DLX2: variants seen among roughly 807,000 people sequenced by gnomAD.
DLX2 encodes the protein homeobox protein DLX-2.
Under a neutral mutation model 27.4 loss-of-function variants are expected in DLX2, and 8 were observed. The ratio of observed to expected loss-of-function variants is 0.29; its 90% CI spans 0.17 to 0.53. The LOEUF (loss-of-function observed/expected upper bound fraction) is 0.53, where lower values mean the gene tolerates loss of function less well. DLX2 is among the 20% of genes least tolerant of loss of function. The pLI, the probability that DLX2 is intolerant of heterozygous loss-of-function variation, is 0.96. For missense variants in DLX2, 421 were observed against 450.9 expected (o/e 0.93, Z 0.60); for synonymous variants, 210 against 200.8 (o/e 1.05, Z -0.39).
In DLX2 at chr2:172,102,189, G is replaced by T. The variant is rs550662278; in HGVS notation, c.350C>A (p.Thr117Asn). 1.3e-5 allele frequency: 21 copies of T among 1,614,178 alleles called. No individual in the cohort carries two copies. In the South Asian group the frequency reaches 1.9e-4, roughly 14 times the overall value. Residue 117 changes from threonine (T) to asparagine (N), a missense_variant, in exon 1 of 3, where the codon ACC becomes AAC. Thr to Asn is a moderately conservative substitution (Grantham distance 65). This residue lies in a region of DLX2 where 141 missense variants were observed against 123.5 expected (regional missense o/e 1.14). Transcript: ENST00000234198. ...ACTGGTTCCATAGGGAGCGTAGGAG[G>T]TGTAGGCGGCGGTGTAGCCCAGGTC... ...SYDLGYTAAYTSYAPYGTSSS... is the reference protein window; with the variant it reads ...SYDLGYTAAYNSYAPYGTSSS...
chr2:172,100,421 A>G lies in DLX2; in HGVS notation c.*122T>C. 17 of 1,118,096 alleles carry G rather than the reference A, an allele frequency of 1.5e-5. No individual in the cohort carries two copies. Among genetic ancestry groups the G allele is most frequent in the Non-Finnish European group, 2.1e-5 (17 of 816,910 alleles). The allele number at this position is 1,118,096 out of a possible 1,614,324, so 69.3% of individuals were successfully genotyped here. On this transcript the variant is annotated 3_prime_UTR_variant, in exon 3 of 3. Transcript: ENST00000234198. This position sits in a 1 kb window ranked among gnomAD's most constrained non-coding sequence, Gnocchi z 4.5. The stretch of plus-strand genomic sequence containing the variant: ...AGCAGGGCCTGAGACGGGCCACTGC[A>G]GGTCGCAGCCTGCAGGAGAGGTGGG...
Position 172,100,759 on chromosome 2 carries a change from A to C in DLX2, c.771T>G (p.Ser257Arg). Residue 257 changes from serine (S) to arginine (R), a missense_variant, in exon 3 of 3, where the codon AGT becomes AGG. This residue lies in a region of DLX2 where 185 missense variants were observed against 171.1 expected (regional missense o/e 1.08). Coordinates refer to ENST00000234198, the MANE Select transcript of DLX2 (RefSeq NM_004405.4). The surrounding 1 kb of genome is among the most constrained non-coding windows in gnomAD (Gnocchi z 4.5). Reference protein sequence around the residue: ...QRMAGGGGPGSGGSGAGSSGS... With the variant: ...QRMAGGGGPGRGGSGAGSSGS... ...CCGAGCTGCCGGCGCCGCTGCCGCC[A>C]CTGCCCGGACCACCGCCGCCCGCCA... The C allele has an allele frequency of 6.4e-7, 1 of 1,569,422 alleles. No individual in the cohort carries two copies. Among genetic ancestry groups the C allele is most frequent in the Non-Finnish European group, 8.6e-7 (1 of 1,158,710 alleles).
chr2:172,100,739 C>A lies in DLX2; in HGVS notation c.791G>T (p.Ser264Ile), dbSNP rs747881738. The A allele has an allele frequency of 1.3e-5, 20 of 1,548,362 alleles. No homozygotes were observed. The East Asian group carries it at 4.1e-4, about 32-fold the overall frequency. ...GPGSGGSGAG[S>I]SGSSPSSAAS... ...CGCGCTGCTCGGGCTGGAGCCCGAG[C>A]TGCCGGCGCCGCTGCCGCCACTGCC... The change falls in exon 3 of 3, where the codon AGC (serine) becomes ATC (isoleucine). Residue 264 changes from serine (S) to isoleucine (I), a missense_variant. This residue lies in a region of DLX2 where 185 missense variants were observed against 171.1 expected (regional missense o/e 1.08). Coordinates refer to ENST00000234198, the MANE Select transcript of DLX2 (RefSeq NM_004405.4). The surrounding 1 kb of genome is among the most constrained non-coding windows in gnomAD (Gnocchi z 4.5).
In DLX2 at chr2:172,100,874, T is replaced by C; in HGVS notation, c.656A>G (p.Glu219Gly). 6.2e-7 allele frequency: 1 copy of C among 1,613,052 alleles called. No homozygotes were observed. The highest frequency in any genetic ancestry group is 8.5e-7 in the Non-Finnish European group (1 of 1,179,942). The change falls in exon 3 of 3, where the codon GAG becomes GGG. Residue 219 changes from glutamate (E) to glycine (G), a missense_variant. Physicochemically the swap from Glu to Gly is moderately conservative, Grantham distance 98. This residue lies in a region of DLX2 where 185 missense variants were observed against 171.1 expected (regional missense o/e 1.08). Transcript: ENST00000234198. The surrounding 1 kb of genome is among the most constrained non-coding windows in gnomAD (Gnocchi z 4.5). ...KMWKSGEIPSEQHPGASASPP... is the reference protein window; with the variant it reads ...KMWKSGEIPSGQHPGASASPP... ...AGAAGCGCTGGCCCCAGGGTGCTGC[T>C]CCGAGGGGATCTCACCACTTTTCCA...
In DLX2 at chr2:172,100,677, G is replaced by C. The variant is rs764871994; in HGVS notation, c.853C>G (p.Gln285Glu). ...AFLGNYPWYH[Q>E]TSGSASHLQA... ...AGGTGTGAGGCGGATCCCGAGGTCT[G>C]GTGGTACCAGGGGTAGTTGCCCAGA... Residue 285 changes from glutamine to glutamate, a missense_variant, in exon 3 of 3, where the codon CAG becomes GAG. Coordinates refer to ENST00000234198, the MANE Select transcript of DLX2 (RefSeq NM_004405.4). This position sits in a 1 kb window ranked among gnomAD's most constrained non-coding sequence, Gnocchi z 4.5. 6 of 1,560,636 alleles carry C rather than the reference G, an allele frequency of 3.8e-6. No individual in the cohort carries two copies. Among genetic ancestry groups the C allele is most frequent in the Non-Finnish European group, 5.2e-6 (6 of 1,161,540 alleles).
rs1691140737 is a variant in DLX2, at chr2:172,100,796, A to G, written c.734T>C (p.Val245Ala). ...VSAPASWDFG[V>A]PQRMAGGGGP... ...ACCGCCGCCCGCCATCCGCTGCGGC[A>G]CACCAAAGTCCCAGGAGGCCGGCGC... The change falls in exon 3 of 3, where the codon GTG becomes GCG. Residue 245 changes from valine (V) to alanine (A), a missense_variant. By Grantham distance (64) the Val-to-Ala change is moderately conservative. Around this residue, in one of 5 missense-constraint regions of DLX2, gnomAD observed 185 missense variants for 171.1 expected, o/e 1.08. Transcript: ENST00000234198. The surrounding 1 kb of genome is among the most constrained non-coding windows in gnomAD (Gnocchi z 4.5). 6.2e-7 allele frequency: 1 copy of G among 1,600,132 alleles called. No homozygotes were observed. The highest frequency in any genetic ancestry group is 1.3e-5 in the African/African-American group (1 of 74,408).
intron 2 of DLX2, 173 bp from the exon 3 acceptor site, chr2:172,101,117 G>A: frequency 1.4e-6 from 1 of 697,072 alleles, no homozygotes; most frequent in South Asian, 1.9e-5. Flanking sequence ...GCCGGTTCCT[G>A]CTCCCTGGGG....
rs773679469 is a variant in DLX2, at chr2:172,100,516, TCA to T, written c.*25_*26del. 6.5e-7 allele frequency: 1 copy of T among 1,531,698 alleles called. No homozygotes were observed. Among genetic ancestry groups the T allele is most frequent in the Non-Finnish European group, 8.7e-7 (1 of 1,146,994 alleles). 94.9% of individuals were successfully genotyped at this position (1,531,698 alleles called of 1,614,324 possible). ...CAATGAGGATAAGTGGTCTCTGCTCTCAGTCTCTGGCGAGTTCTCCCTGGGGT... is the reference window on the plus strand; with the variant it reads ...CAATGAGGATAAGTGGTCTCTGCTCTGTCTCTGGCGAGTTCTCCCTGGGGT... On this transcript the variant is annotated 3_prime_UTR_variant, in exon 3 of 3. Transcript: ENST00000234198. The surrounding 1 kb of genome is among the most constrained non-coding windows in gnomAD (Gnocchi z 4.5).
At chr2:172,102,022 G>GTGA in intron 1 of DLX2, 117 bp downstream of exon 1, 1 of 1,490,436 alleles carries the variant, frequency 6.7e-7, no homozygotes, top group Non-Finnish European at 9.0e-7. Flanking sequence ...CAAGCGGGCG[G>GTGA]TGAGCAGGCA....
At position 172,102,357 on chromosome 2, in the gene DLX2, G is replaced by T; in HGVS notation, c.182C>A (p.Ala61Asp). 2 of 1,581,392 alleles carry T rather than the reference G, an allele frequency of 1.3e-6. No individual in the cohort carries two copies. Among genetic ancestry groups the T allele is most frequent in the Non-Finnish European group, 1.7e-6 (2 of 1,163,550 alleles). ...QESPTLPVST[A>D]TDSSYYTNQQ... Reference sequence around the variant, plus strand: ...GTTGGTGTAGTAGCTGCTGTCGGTGGCGGTGGACACCGGAAGGGTGGGCGA... The same window carrying T: ...GTTGGTGTAGTAGCTGCTGTCGGTGTCGGTGGACACCGGAAGGGTGGGCGA... The change falls in exon 1 of 3, where the codon GCC (alanine) becomes GAC (aspartate). Residue 61 changes from alanine (A) to aspartate (D), a missense_variant. This residue lies in a region of DLX2 where 141 missense variants were observed against 123.5 expected (regional missense o/e 1.14). Coordinates refer to ENST00000234198, the MANE Select transcript of DLX2 (RefSeq NM_004405.4).
rs780764135 is a variant in DLX2 at position 172,102,207 on chromosome 2, C to T, written c.332G>A (p.Gly111Asp). The change falls in exon 1 of 3, where the codon GGC (glycine) becomes GAC (aspartate). Residue 111 changes from glycine to aspartate, a missense_variant. Physicochemically the swap from Gly to Asp is moderately conservative, Grantham distance 94. This residue lies in a region of DLX2 where 141 missense variants were observed against 123.5 expected (regional missense o/e 1.14). Coordinates refer to ENST00000234198, the MANE Select transcript of DLX2 (RefSeq NM_004405.4). ...PYSAKSSYDL[G>D]YTAAYTSYAP... ...GTAGGAGGTGTAGGCGGCGGTGTAG[C>T]CCAGGTCATAGCTGCTCTTGGCGGA... is the stretch of plus-strand genomic sequence containing the variant. 5 of 1,613,556 alleles carry T rather than the reference C, an allele frequency of 3.1e-6. No individual in the cohort carries two copies. The highest frequency in any genetic ancestry group is 2.7e-5 in the African/African-American group (2 of 74,740).
Position 172,102,301 on chromosome 2 carries a change from C to G in DLX2, c.238G>C (p.Gly80Arg). ...CCCATGTGCGCGTAGGGCGAGCCCC[C>G]GCCGCCGCCGCCGCCCGCCGGGTGC... The part of the protein sequence containing the change: ...QQHPAGGGGG[G>R]GSPYAHMGSY... Residue 80 changes from glycine to arginine, a missense_variant, in exon 1 of 3, where the codon GGG (glycine) becomes CGG (arginine). Coordinates refer to ENST00000234198, the MANE Select transcript of DLX2 (RefSeq NM_004405.4). 6.3e-7 allele frequency: 1 copy of G among 1,599,236 alleles called. No homozygotes were observed. Among genetic ancestry groups the G allele is most frequent in the Non-Finnish European group, 8.5e-7 (1 of 1,173,670 alleles).
At chr2:172,101,773 G>A in intron 1 of DLX2, 127 bp from the exon 2 acceptor site, 1 of 1,087,692 alleles carries the variant, frequency 9.2e-7, no homozygotes, top group South Asian at 1.6e-5. Flanking sequence ...GTGGCGCCAC[G>A]GGCAGGCGCA....
Position 172,100,876 on chromosome 2 carries a change from C to T in DLX2, c.654G>A (p.Ser218=). The T allele has an allele frequency of 1.9e-6, 3 of 1,612,974 alleles. No individual in the cohort carries two copies. Among genetic ancestry groups the T allele is most frequent in the Non-Finnish European group, 1.7e-6 (2 of 1,179,906 alleles). The change falls in exon 3 of 3, where the codon TCG becomes TCA. Residue 218 remains serine, a synonymous_variant. Coordinates refer to ENST00000234198, the MANE Select transcript of DLX2 (RefSeq NM_004405.4). The surrounding 1 kb of genome is among the most constrained non-coding windows in gnomAD (Gnocchi z 4.5). ...KKMWKSGEIP[S]EQHPGASASP... ...AAGCGCTGGCCCCAGGGTGCTGCTC[C>T]GAGGGGATCTCACCACTTTTCCACA...
Position 172,102,415 on chromosome 2 carries a change from T to TGTTGCC in DLX2, c.123_124insGGCAAC (p.Ser41_Ser42insGlyAsn). The stretch of plus-strand genomic sequence containing the variant: ...GGCTTGTGGAGGCTGCTGCTGCTGC[T>TGTTGCC]GCTGTTGCCACCCGGGCCGGCGCCG... On this transcript the variant is annotated inframe_insertion, in exon 1 of 3. Coordinates refer to ENST00000234198, the MANE Select transcript of DLX2 (RefSeq NM_004405.4). The TGTTGCC allele has an allele frequency of 1.9e-6, 3 of 1,550,342 alleles. No homozygotes were observed. The highest frequency in any genetic ancestry group is 2.6e-6 in the Non-Finnish European group (3 of 1,147,084).
chr2:172,101,401 G>T (rs1301308197), intron 2 of DLX2, 61 bp downstream of exon 2: 6 of 1,488,282 alleles, frequency 4.0e-6, no homozygotes, highest in East Asian at 2.4e-5. Flanking sequence ...TCCTAAACCC[G>T]CCTGCTTCCC....
rs1691193841 is a variant in DLX2, at chr2:172,102,894, A to T, written c.-356T>A. 4.0e-6 allele frequency: 1 copy of T among 247,784 alleles called. No homozygotes were observed. The highest frequency in any genetic ancestry group is 7.6e-6 in the Non-Finnish European group (1 of 131,006). The allele number at this position is 247,784 out of a possible 1,614,324, so 15.3% of individuals were successfully genotyped here. On this transcript the variant is annotated 5_prime_UTR_variant, in exon 1 of 3. Coordinates refer to ENST00000234198, the MANE Select transcript of DLX2 (RefSeq NM_004405.4). ...GTGAGCGGCCCCGAGCGGCTTTACG[A>T]TTGTCTGCCAGGCGGGCTCCTGAAG...
chr2:172,100,963 G>C lies in DLX2; in HGVS notation c.586-19C>G. 2.5e-6 allele frequency: 4 copies of C among 1,607,204 alleles called. No individual in the cohort carries two copies. The highest frequency in any genetic ancestry group is 3.4e-6 in the Non-Finnish European group (4 of 1,177,674). On this transcript the variant is annotated intron_variant, in intron 2 of 2. Transcript: ENST00000234198. This position sits in a 1 kb window ranked among gnomAD's most constrained non-coding sequence, Gnocchi z 4.5. ...TTTTGACCTTTGAGGAAAAAGACCT[G>C]AGCATTAGTGGAGGAACCTAGTCTT...
At position 172,100,830 on chromosome 2, in the gene DLX2, G is replaced by T; in HGVS notation, c.700C>A (p.Pro234Thr). 6.2e-7 allele frequency: 1 copy of T among 1,611,122 alleles called. No individual in the cohort carries two copies. The highest frequency in any genetic ancestry group is 1.1e-5 in the South Asian group (1 of 90,880). The change falls in exon 3 of 3, where the codon CCA becomes ACA. Residue 234 changes from proline (P) to threonine (T), a missense_variant. Pro to Thr is a conservative substitution (Grantham distance 38). Coordinates refer to ENST00000234198, the MANE Select transcript of DLX2 (RefSeq NM_004405.4). This position sits in a 1 kb window ranked among gnomAD's most constrained non-coding sequence, Gnocchi z 4.5. ...ASASPPCASPPVSAPASWDFG... is the reference protein window; with the variant it reads ...ASASPPCASPTVSAPASWDFG... ...TCCCAGGAGGCCGGCGCTGAGACTG[G>T]CGGCGAAGCACAAGGTGGAGAAGCG...
Sources: allele counts gnomAD v4.1 joint callset, GRCh38; gene constraint gnomAD v4.1.1; regional missense constraint gnomAD v4.1.1; non-coding constraint Gnocchi (gnomAD v3.1); transcripts MANE v1.5; gene names NCBI Gene and HGNC (gene_info 2026-07-23, HGNC 2026-07-21).